The following TCERG1L variants were observed in gnomAD, a reference collection of about 807,000 sequenced individuals.
TCERG1L encodes the protein transcription elongation regulator 1 like, also known as transcription elongation regulator 1-like protein.
In TCERG1L, 37 loss-of-function variants were observed where a neutral mutation model predicts 56.3. The ratio of observed to expected loss-of-function variants is 0.66; its 90% CI spans 0.51 to 0.87. TCERG1L has a LOEUF of 0.87. Ranked by LOEUF, TCERG1L falls within the 40% of genes least tolerant of loss-of-function variation. The pLI is 0.00. For synonymous variants in TCERG1L, 324 were observed against 326.3 expected, an observed-to-expected ratio of 0.99 and a Z score of 0.08; for missense variants, 799 against 774.2, an observed-to-expected ratio of 1.03 and a Z score of -0.38.
chr10:131,116,345 C>T (rs1845459176), intron 9 of TCERG1L, among the ~76,000 whole-genome samples: 1 of 152,158 alleles, frequency 6.6e-6, no homozygotes, highest in Non-Finnish European at 1.5e-5. Context: ...TGAGGTCGGG[C>T]ACCGCGACTG....
intron 4 of TCERG1L, among the ~76,000 whole-genome samples, chr10:131,220,207 G>A (rs147070863): frequency 3.0e-3 from 452 of 152,254 alleles, no homozygotes; most frequent in African/African-American, 6.6e-3. Flanking sequence ...CCTGGCTCTC[G>A]GGCCTATTGC....
chr10:131,260,792 A>G lies in TCERG1L; in HGVS notation c.671-348T>C, dbSNP rs1311058778. ...GTTAAGTACCTAATCAGAAGTGACC[A>G]TGAACAGCACTCAGTGATTTGGAGC... On this transcript the variant is annotated intron_variant, in intron 3 of 11. Coordinates refer to ENST00000368642, the MANE Select transcript of TCERG1L (RefSeq NM_174937.4). The surrounding 1 kb of genome is among the most constrained non-coding windows in gnomAD (Gnocchi z 5.8). 6.6e-6 allele frequency among the ~76,000 whole-genome samples: 1 copy of G among 152,168 alleles called. No homozygotes were observed. Among genetic ancestry groups the G allele is most frequent in the African/African-American group, 2.4e-5 (1 of 41,430 alleles).
chr10:131,258,106 G>T (rs866690984), intron 4 of TCERG1L, among the ~76,000 whole-genome samples: 1 of 151,896 alleles, frequency 6.6e-6, no homozygotes. Flanking sequence ...CCCTCCATGG[G>T]ATAGCTCATC....
intron 7 of TCERG1L, among the ~76,000 whole-genome samples, chr10:131,137,814 GA>G (rs1845692659): frequency 6.6e-6 from 1 of 152,190 alleles, no homozygotes; most frequent in Non-Finnish European, 1.5e-5. Context: ...CAGACTTAGA[GA>G]ATACAAAACC....
Position 131,309,168 on chromosome 10 carries a change from C to G in TCERG1L, c.474G>C (p.Arg158Ser). 6.2e-7 allele frequency: 1 copy of G among 1,609,188 alleles called. No homozygotes were observed. Among genetic ancestry groups the G allele is most frequent in the Non-Finnish European group, 8.5e-7 (1 of 1,178,146 alleles). ...TPIGKSWIDK[R>S]IPNCKIFFNN... ...GCGTTTTTACCTTACAGTTAGGAAT[C>G]CTTTTGTCTATCCAACTTTTCCCAA... Residue 158 changes from arginine to serine, a missense_variant, in exon 2 of 12, where the codon AGG (arginine) becomes AGC (serine). By Grantham distance (110) the Arg-to-Ser change is moderately radical. Coordinates refer to ENST00000368642, the MANE Select transcript of TCERG1L (RefSeq NM_174937.4).
chr10:131,252,484 G>A (rs1430871891), intron 4 of TCERG1L, among the ~76,000 whole-genome samples: 1 of 152,074 alleles, frequency 6.6e-6, no homozygotes, highest in African/African-American at 2.4e-5. Context: ...CCAGACCCCT[G>A]GGCAAACACA....
At chr10:131,107,820 A>G (rs1428841385) in intron 9 of TCERG1L, among the ~76,000 whole-genome samples, 2 of 152,240 alleles carry the variant, frequency 1.3e-5, no homozygotes, top group South Asian at 2.1e-4. Context: ...ACACATGCAA[A>G]CACATGAACA....
intron 4 of TCERG1L, among the ~76,000 whole-genome samples, chr10:131,176,192 C>T (rs1846145813): frequency 6.6e-6 from 1 of 152,112 alleles, no homozygotes; most frequent in Non-Finnish European, 1.5e-5. Context: ...TGGACCAGGG[C>T]CTCTGGTGCC....
chr10:131,302,816 C>T (rs1846779938), intron 3 of TCERG1L, among the ~76,000 whole-genome samples: 3 of 151,802 alleles, frequency 2.0e-5, no homozygotes, highest in Non-Finnish European at 1.5e-5. Flanking sequence ...TGTGATGTTC[C>T]CCTCCCTGTG....
intron 4 of TCERG1L, among the ~76,000 whole-genome samples, chr10:131,188,682 T>A (rs566924743): frequency 6.6e-5 from 10 of 152,348 alleles, no homozygotes; most frequent in Non-Finnish European, 1.3e-4. Context: ...GTAAATTGTA[T>A]CTACACATGG....
chr10:131,255,351 A>G (rs1846155391), intron 4 of TCERG1L, among the ~76,000 whole-genome samples: 1 of 152,266 alleles, frequency 6.6e-6, no homozygotes, highest in African/African-American at 2.4e-5. Flanking sequence ...CTATGTTAAC[A>G]TGTATGTGAA....
intron 7 of TCERG1L, among the ~76,000 whole-genome samples, chr10:131,139,876 T>TTG (rs1004548112): frequency 3.3e-5 from 5 of 151,666 alleles, no homozygotes; most frequent in African/African-American, 9.7e-5. Flanking sequence ...ATATATGCAT[T>TTG]TGTGTGTGTG....
intron 4 of TCERG1L, among the ~76,000 whole-genome samples, chr10:131,230,732 C>T (rs1199451174): frequency 2.0e-5 from 3 of 152,172 alleles, no homozygotes; most frequent in Admixed American, 1.3e-4. Flanking sequence ...ATCTCCAGGG[C>T]CACGCATGGC....
At chr10:131,172,882 T>G (rs1441460258) in intron 4 of TCERG1L, among the ~76,000 whole-genome samples, 1 of 144,154 alleles carries the variant, frequency 6.9e-6, no homozygotes, top group Non-Finnish European at 1.5e-5. Flanking sequence ...GAGAGAATAA[T>G]CAATGATTTT....
intron 7 of TCERG1L, among the ~76,000 whole-genome samples, chr10:131,143,463 G>A (rs1845759993): frequency 6.6e-6 from 1 of 152,118 alleles, no homozygotes. Context: ...GAGGGCCCCA[G>A]CTCCAACAAT....
intron 1 of TCERG1L, among the ~76,000 whole-genome samples, chr10:131,309,992 G>T (rs1474387932): frequency 1.3e-5 from 2 of 152,030 alleles, no homozygotes; most frequent in African/African-American, 4.8e-5. Context: ...AAAATGCATT[G>T]CTCAATGACA....
chr10:131,269,780 G>A (rs1300976823), intron 3 of TCERG1L, among the ~76,000 whole-genome samples: 1 of 152,208 alleles, frequency 6.6e-6, no homozygotes, highest in Admixed American at 6.5e-5. Flanking sequence ...ACGCTGCTGG[G>A]AAAACGGCAC....
At chr10:131,235,022 G>A (rs1465220922) in intron 4 of TCERG1L, among the ~76,000 whole-genome samples, 2 of 152,180 alleles carry the variant, frequency 1.3e-5, no homozygotes, top group East Asian at 3.9e-4. Flanking sequence ...TTTAAGCAGA[G>A]GGCAGCTGCC....
Position 131,117,910 on chromosome 10 carries a change from C to T in TCERG1L, c.1260-976G>A, listed in dbSNP as rs144862694. Among the ~76,000 whole-genome samples, 496 of 152,306 alleles carry T rather than the reference C, an allele frequency of 3.3e-3. 2 individuals carry two copies. The highest frequency in any genetic ancestry group is 0.011 in the African/African-American group (462 of 41,562). ...AAGAATGTGTCTGGCCAAATGCAGA[C>T]GCCGTTCTTCTTGTGTCTGGCTTCC... On this transcript the variant is annotated intron_variant, in intron 8 of 11. Transcript: ENST00000368642.
Sources: allele counts gnomAD v4.1 joint callset (sites outside exome capture counted in the v4.1 genomes callset), GRCh38; gene constraint gnomAD v4.1.1; non-coding constraint Gnocchi (gnomAD v3.1); transcripts MANE v1.5; gene names NCBI Gene and HGNC (gene_info 2026-07-23, HGNC 2026-07-21).